Variants in ADARB2 observed in about 807,000 individuals in gnomAD.
ADARB2 encodes the protein inactive double-stranded RNA-specific editase B2.
ADARB2 carries 25 observed loss-of-function variants against 62.2 expected under a neutral mutation model. The observed-to-expected ratio is 0.40, with a 90% confidence interval of 0.29 to 0.56. The LOEUF (loss-of-function observed/expected upper bound fraction) is 0.56, where lower values mean the gene tolerates loss of function less well. Ranked by LOEUF, ADARB2 falls within the 20% of genes least tolerant of loss-of-function variation. The probability of loss-of-function intolerance (pLI) is 0.43; values close to 1 mark genes in which losing one functional copy is unlikely to be tolerated. For synonymous variants in ADARB2, 572 were observed against 500.8 expected (o/e 1.14, Z -1.90); for missense variants, 1,071 against 1,077.4 (o/e 0.99, Z 0.08).
At chr10:1,645,020 A>G (rs2119063734) in intron 1 of ADARB2, among the ~76,000 whole-genome samples, 1 of 152,340 alleles carries the variant, frequency 6.6e-6, no homozygotes, top group East Asian at 1.9e-4. Context: ...GAGGGTGTTT[A>G]TGTGGTCAGT....
chr10:1,192,693 T>C (rs1448271743), intron 8 of ADARB2, among the ~76,000 whole-genome samples: 2 of 152,214 alleles, frequency 1.3e-5, no homozygotes, highest in Non-Finnish European at 2.9e-5. Context: ...GGCTTACGCC[T>C]GTAATCCAGC....
chr10:1,459,929 TGAGTTTA>T (rs1831147356), intron 1 of ADARB2, among the ~76,000 whole-genome samples: 1 of 144,730 alleles, frequency 6.9e-6, no homozygotes, highest in African/African-American at 2.7e-5. Context: ...GCCTGTGACC[TGAGTTTA>T]CCTGCGTTAC....
At chr10:1,237,877 T>C (rs1325862225) in intron 5 of ADARB2, among the ~76,000 whole-genome samples, 4 of 8,184 alleles carry the variant, frequency 4.9e-4, no homozygotes, top group African/African-American at 8.6e-4. Flanking sequence ...TTTACTCCCC[T>C]CTCCCTCCCG....
chr10:1,657,102 TC>T (rs915235458), intron 1 of ADARB2, among the ~76,000 whole-genome samples: 1 of 152,098 alleles, frequency 6.6e-6, no homozygotes, highest in Admixed American at 6.6e-5. Flanking sequence ...ATTTTTTTTT[TC>T]CACAACGTAC....
chr10:1,478,319 G>A (rs1588272175), intron 1 of ADARB2, among the ~76,000 whole-genome samples: 1 of 152,166 alleles, frequency 6.6e-6, no homozygotes, highest in Non-Finnish European at 1.5e-5. Context: ...TCTCAACCTG[G>A]CGTTGGCACA....
At chr10:1,412,003 C>T (rs1167125491) in intron 1 of ADARB2, among the ~76,000 whole-genome samples, 1 of 152,176 alleles carries the variant, frequency 6.6e-6, no homozygotes, top group Non-Finnish European at 1.5e-5. Context: ...AGCAGAGAGG[C>T]CTGATGTGTT....
chr10:1,736,697 AC>A lies in ADARB2; in HGVS notation c.100+353del, dbSNP rs553830275. ...TGGGTAATTCCTTTGGCACTGGGAG[AC>A]GAGATGGCCTCCGGAGGGTGGAAGG... On this transcript the variant is annotated intron_variant, in intron 1 of 9. Coordinates refer to ENST00000381312, the MANE Select transcript of ADARB2 (RefSeq NM_018702.4). Among the ~76,000 whole-genome samples the A allele has an allele frequency of 1.6e-3, 246 of 152,214 alleles. 1 individual carries two copies. The highest frequency in any genetic ancestry group is 5.5e-3 in the African/African-American group (228 of 41,546).
In ADARB2 at chr10:1,360,157, C is replaced by T. The variant is rs980895246; in HGVS notation, c.1077+2871G>A. 7.2e-5 allele frequency among the ~76,000 whole-genome samples: 11 copies of T among 152,204 alleles called. No homozygotes were observed. In the South Asian group the frequency reaches 8.3e-4, roughly 11 times the overall value. On this transcript the variant is annotated intron_variant, in intron 3 of 9. Coordinates refer to ENST00000381312, the MANE Select transcript of ADARB2 (RefSeq NM_018702.4). Reference sequence around the variant, plus strand: ...ACTGTGGGCAGAGAACCTCAAGCACCGGGCCGGCACCCAAGTGCAGAGACT... The same window carrying T: ...ACTGTGGGCAGAGAACCTCAAGCACTGGGCCGGCACCCAAGTGCAGAGACT...
intron 1 of ADARB2, among the ~76,000 whole-genome samples, chr10:1,402,917 A>C (rs1832676963): frequency 6.6e-6 from 1 of 152,174 alleles, no homozygotes. Flanking sequence ...TTCCAAGTGG[A>C]ACTGGGCCGG....
intron 2 of ADARB2, among the ~76,000 whole-genome samples, chr10:1,365,914 T>C (rs1000816073): frequency 2.6e-5 from 4 of 152,220 alleles, no homozygotes; most frequent in Non-Finnish European, 5.9e-5. Context: ...CACTACAGAA[T>C]ACTATATAGC....
intron 1 of ADARB2, among the ~76,000 whole-genome samples, chr10:1,690,502 A>G (rs918824171): frequency 2.4e-4 from 37 of 152,194 alleles, no homozygotes; most frequent in Admixed American, 6.5e-4. Flanking sequence ...TGATGCAGTG[A>G]CAGGCATCAG....
At chr10:1,406,071 CTG>C (rs1455682790) in intron 1 of ADARB2, among the ~76,000 whole-genome samples, 1 of 152,240 alleles carries the variant, frequency 6.6e-6, no homozygotes, top group Non-Finnish European at 1.5e-5. Context: ...CTAGATACAC[CTG>C]TTTATTACAC....
intron 1 of ADARB2, among the ~76,000 whole-genome samples, chr10:1,562,376 G>T (rs538276356): frequency 3.3e-5 from 5 of 152,302 alleles, no homozygotes; most frequent in Non-Finnish European, 1.5e-5. Context: ...TAGGATCGGG[G>T]CTCTGCCATC....
intron 3 of ADARB2, among the ~76,000 whole-genome samples, chr10:1,317,669 T>C (rs928034634): frequency 6.0e-5 from 9 of 149,692 alleles, no homozygotes; most frequent in African/African-American, 2.2e-4. Context: ...TCTGCCTCTC[T>C]CACTCCTTGG....
At chr10:1,665,638 G>A (rs1199350998) in intron 1 of ADARB2, among the ~76,000 whole-genome samples, 1 of 152,258 alleles carries the variant, frequency 6.6e-6, no homozygotes, top group African/African-American at 2.4e-5. Context: ...GAGGGGAAAT[G>A]TCAGCCATTC....
intron 3 of ADARB2, among the ~76,000 whole-genome samples, chr10:1,346,445 A>G (rs1440323120): frequency 6.6e-6 from 1 of 152,230 alleles, no homozygotes; most frequent in Non-Finnish European, 1.5e-5. Context: ...GCTTTACTTA[A>G]AAATGCAGCA....
intron 4 of ADARB2, among the ~76,000 whole-genome samples, chr10:1,248,467 C>T (rs1327354783): frequency 1.3e-5 from 2 of 152,234 alleles, no homozygotes; most frequent in Non-Finnish European, 2.9e-5. Flanking sequence ...GGGCGTGCGA[C>T]GTGTCAGTCA....
At chr10:1,229,926 C>T (rs924540947) in intron 6 of ADARB2, among the ~76,000 whole-genome samples, 8 of 152,018 alleles carry the variant, frequency 5.3e-5, no homozygotes, top group African/African-American at 1.4e-4. Context: ...GGCTAGCAGG[C>T]GTGGCCACTG....
chr10:1,222,132 C>A (rs970994970), intron 6 of ADARB2, among the ~76,000 whole-genome samples: 19 of 152,328 alleles, frequency 1.2e-4, no homozygotes, highest in African/African-American at 4.3e-4. Flanking sequence ...GATGGTATCT[C>A]ATTGTGGCTT....
Sources: allele counts gnomAD v4.1 joint callset (sites outside exome capture counted in the v4.1 genomes callset), GRCh38; gene constraint gnomAD v4.1.1; transcripts MANE v1.5; gene names NCBI Gene and HGNC (gene_info 2026-07-23, HGNC 2026-07-21).